SLC35F3: variants seen among roughly 807,000 people sequenced by gnomAD.
The protein encoded by SLC35F3 is putative thiamine transporter SLC35F3.
A neutral mutation model predicts 49.9 loss-of-function variants in SLC35F3; 25 were observed. The ratio of observed to expected loss-of-function variants is 0.50; its 90% CI spans 0.37 to 0.70. SLC35F3 has a LOEUF of 0.70. Among genes scored for constraint, SLC35F3 ranks in the 30% least tolerant of loss-of-function variants. The probability of loss-of-function intolerance (pLI) is 0.00; values close to 1 mark genes in which losing one functional copy is unlikely to be tolerated. For missense variants in SLC35F3, 525 were observed against 639.8 expected (o/e 0.82, Z 1.94); for synonymous variants, 275 against 265.4 (o/e 1.04, Z -0.35).
In SLC35F3 at chr1:234,040,984, C is replaced by T. The variant is rs113322478; in HGVS notation, c.283+135226C>T. On this transcript the variant is annotated intron_variant, in intron 2 of 7. Transcript: ENST00000366618. ...GCAGGAGAGTTGGCTGAACGTAAGA[C>T]GTGTTATGATATGAATAACCTTTCA... Among the ~76,000 whole-genome samples the T allele has an allele frequency of 1.8e-3, 269 of 152,278 alleles. 1 individual carries two copies. The highest frequency in any genetic ancestry group is 6.8e-3 in the Middle Eastern group (2 of 294).
At chr1:234,245,961 G>A (rs1667625005) in intron 3 of SLC35F3, among the ~76,000 whole-genome samples, 2 of 152,156 alleles carry the variant, frequency 1.3e-5, no homozygotes. Flanking sequence ...TTACGAGCCT[G>A]CCCAGTTTCA....
intron 2 of SLC35F3, among the ~76,000 whole-genome samples, chr1:234,139,359 A>G (rs1198095739): frequency 1.3e-5 from 2 of 152,194 alleles, no homozygotes; most frequent in African/African-American, 4.8e-5. Context: ...GAAGGCTCAA[A>G]TGGACAACGC....
At position 233,920,135 on chromosome 1, in the gene SLC35F3, T is replaced by C. The variant is rs920836131; in HGVS notation, c.283+14377T>C. Among the ~76,000 whole-genome samples, 17 of 152,192 alleles carry C rather than the reference T, an allele frequency of 1.1e-4. No homozygotes were observed. In the East Asian group the frequency reaches 2.7e-3, roughly 24 times the overall value. On this transcript the variant is annotated intron_variant, in intron 2 of 7. Transcript: ENST00000366618. ...CTGCTTTTGTCTCAAGGTGAATATA[T>C]GAGAATTGGAGGCAATATTGTAAGT...
chr1:234,276,046 T>A (rs1214961247), intron 3 of SLC35F3, among the ~76,000 whole-genome samples: 1 of 152,162 alleles, frequency 6.6e-6, no homozygotes, highest in Non-Finnish European at 1.5e-5. Context: ...ACACTCTTCA[T>A]CATATATGAG....
At position 234,102,471 on chromosome 1, in the gene SLC35F3, C is replaced by T. The variant is rs140629927; in HGVS notation, c.284-128946C>T. Among the ~76,000 whole-genome samples, 6 of 152,274 alleles carry T rather than the reference C, an allele frequency of 3.9e-5. No homozygotes were observed. In the East Asian group the frequency reaches 1.2e-3, roughly 29 times the overall value. On this transcript the variant is annotated intron_variant, in intron 2 of 7. Transcript: ENST00000366618. The stretch of plus-strand genomic sequence containing the variant: ...ACAGAAGTCCTTTTCCAGAAGAGCC[C>T]AGTCGTGTGCAAGATCTAACCTTTC...
chr1:234,112,709 C>G (rs753094231), intron 2 of SLC35F3, among the ~76,000 whole-genome samples: 8 of 140,008 alleles, frequency 5.7e-5, no homozygotes, highest in Non-Finnish European at 1.2e-4. Flanking sequence ...GCGTCCGCCA[C>G]CATGCCCAGC....
At chr1:234,171,529 C>T (rs189861193) in intron 2 of SLC35F3, among the ~76,000 whole-genome samples, 95 of 152,258 alleles carry the variant, frequency 6.2e-4, no homozygotes, top group African/African-American at 2.2e-3. Context: ...AAATTCCTGG[C>T]TTCCAAGCCC....
At chr1:234,153,551 T>C (rs1180066381) in intron 2 of SLC35F3, among the ~76,000 whole-genome samples, 1 of 152,206 alleles carries the variant, frequency 6.6e-6, no homozygotes, top group Non-Finnish European at 1.5e-5. Context: ...TTAGGGGTGT[T>C]ATTCAGAGGC....
chr1:233,978,636 C>T (rs1249182089), intron 2 of SLC35F3, among the ~76,000 whole-genome samples: 1 of 152,192 alleles, frequency 6.6e-6, no homozygotes, highest in African/African-American at 2.4e-5. Context: ...AATTTTCTAC[C>T]AGAGAGCTCT....
Position 234,309,283 on chromosome 1 carries a change from C to T in SLC35F3, c.791C>T (p.Ser264Leu). ...CCNKAFVFLL[S>L]WIVLRDRFMG... ...AACAAAGCTTTTGTGTTCTTGCTCT[C>T]ATGGATCGTTCTCAGGGACAGATTC... Residue 264 changes from serine to leucine, a missense_variant, in exon 4 of 8, where the codon TCA (serine) becomes TTA (leucine). This residue lies in a region of SLC35F3 where 216 missense variants were observed against 298.1 expected (regional missense o/e 0.72). Coordinates refer to ENST00000366618, the MANE Select transcript of SLC35F3 (RefSeq NM_173508.4). The T allele has an allele frequency of 2.5e-6, 4 of 1,614,236 alleles. No homozygotes were observed. The highest frequency in any genetic ancestry group is 1.7e-6 in the Non-Finnish European group (2 of 1,180,046).
At chr1:234,228,928 G>C (rs1322347967) in intron 2 of SLC35F3, among the ~76,000 whole-genome samples, 1 of 152,190 alleles carries the variant, frequency 6.6e-6, no homozygotes, top group African/African-American at 2.4e-5. Context: ...TTAGCAGTAT[G>C]AAGAATGAGG....
At chr1:233,907,986 A>G (rs1354837929) in intron 2 of SLC35F3, among the ~76,000 whole-genome samples, 2 of 152,194 alleles carry the variant, frequency 1.3e-5, no homozygotes, top group Non-Finnish European at 2.9e-5. Flanking sequence ...TTGGCCTCCC[A>G]AAGTGCTGGG....
Position 234,231,312 on chromosome 1 carries a change from G to C in SLC35F3, c.284-105G>C. 1.0e-6 allele frequency: 1 copy of C among 989,108 alleles called. No individual in the cohort carries two copies. Among genetic ancestry groups the C allele is most frequent in the Non-Finnish European group, 1.4e-6 (1 of 695,214 alleles). The allele number at this position is 989,108 out of a possible 1,614,324, so 61.3% of individuals were successfully genotyped here. On this transcript the variant is annotated intron_variant, in intron 2 of 7. Transcript: ENST00000366618. This position sits in a 1 kb window ranked among gnomAD's most constrained non-coding sequence, Gnocchi z 5.4. ...CCGCCCCTGCACCCGCTATCTCCCC[G>C]GGCCCCCAGGTAGCTGGTGGTGACA... is the stretch of plus-strand genomic sequence containing the variant.
intron 2 of SLC35F3, among the ~76,000 whole-genome samples, chr1:234,153,987 A>G (rs969065734): frequency 4.0e-5 from 6 of 150,998 alleles, no homozygotes; most frequent in African/African-American, 1.5e-4. Flanking sequence ...GCGTGAACCC[A>G]GGAGACGGAG....
intron 3 of SLC35F3, among the ~76,000 whole-genome samples, chr1:234,236,978 C>T (rs1667485341): frequency 2.7e-5 from 3 of 112,642 alleles, no homozygotes; most frequent in African/African-American, 9.9e-5. Flanking sequence ...GGAAATGGGG[C>T]GAGAGCTGAG....
rs1661744157 is a variant in SLC35F3 at position 233,904,928 on chromosome 1, C to G, written c.-150C>G. On this transcript the variant is annotated 5_prime_UTR_variant, in exon 1 of 8. Coordinates refer to ENST00000366618, the MANE Select transcript of SLC35F3 (RefSeq NM_173508.4). The stretch of plus-strand genomic sequence containing the variant: ...CGCTCGGGTACAGACCGCGCGGGCG[C>G]GCACAAAGCGGCCCGGGGCGGCCGG... 2.5e-6 allele frequency: 2 copies of G among 796,636 alleles called. No homozygotes were observed. Among genetic ancestry groups the G allele is most frequent in the Non-Finnish European group, 3.7e-6 (2 of 538,326 alleles). The allele number at this position is 796,636 out of a possible 1,614,324, so 49.3% of individuals were successfully genotyped here. A position where few individuals can be genotyped will look rare whatever the true frequency, so the allele number is the denominator to read the frequency against.
At chr1:233,960,206 G>A (rs1003278696) in intron 2 of SLC35F3, among the ~76,000 whole-genome samples, 1 of 152,080 alleles carries the variant, frequency 6.6e-6, no homozygotes, top group Non-Finnish European at 1.5e-5. Flanking sequence ...CATGCCATCC[G>A]TTCTCCTTCC....
At chr1:234,259,187 CCTT>C (rs1667864842) in intron 3 of SLC35F3, among the ~76,000 whole-genome samples, 1 of 152,174 alleles carries the variant, frequency 6.6e-6, no homozygotes, top group Non-Finnish European at 1.5e-5. Context: ...CTCTAAAACT[CCTT>C]CTCCCTGGAA....
At chr1:234,126,160 C>A (rs2102895811) in intron 2 of SLC35F3, among the ~76,000 whole-genome samples, 1 of 152,268 alleles carries the variant, frequency 6.6e-6, no homozygotes, top group East Asian at 1.9e-4. Flanking sequence ...GTTGCTGGGA[C>A]TATTTTCTAA....
Sources: allele counts gnomAD v4.1 joint callset (sites outside exome capture counted in the v4.1 genomes callset), GRCh38; gene constraint gnomAD v4.1.1; regional missense constraint gnomAD v4.1.1; non-coding constraint Gnocchi (gnomAD v3.1); transcripts MANE v1.5; gene names NCBI Gene and HGNC (gene_info 2026-07-23, HGNC 2026-07-21).